Variants in STPG2 observed in about 807,000 individuals in gnomAD.
STPG2 encodes sperm-tail PG-rich repeat-containing protein 2.
STPG2 carries 56 observed loss-of-function variants against 54.2 expected under a neutral mutation model. The ratio of observed to expected loss-of-function variants is 1.03; its 90% CI spans 0.83 to 1.29. STPG2 has a LOEUF of 1.29. Ranked by LOEUF, STPG2 falls within the 50% of genes most tolerant of loss-of-function variation. The pLI, the probability that STPG2 is intolerant of heterozygous loss-of-function variation, is 0.00. For synonymous variants in STPG2, 200 were observed against 181.8 expected (o/e 1.10, Z -0.81); for missense variants, 596 against 544.9 (o/e 1.09, Z -0.93).
At chr4:97,712,022 C>T (rs1468194661) in intron 10 of STPG2, among the ~76,000 whole-genome samples, 1 of 152,058 alleles carries the variant, frequency 6.6e-6, no homozygotes, top group Non-Finnish European at 1.5e-5. Flanking sequence ...TATAAATAAA[C>T]TTGTCATTAG....
At chr4:97,936,452 A>G (rs1732749636) in intron 8 of STPG2, among the ~76,000 whole-genome samples, 1 of 152,138 alleles carries the variant, frequency 6.6e-6, no homozygotes, top group African/African-American at 2.4e-5. Context: ...CCCACAAATT[A>G]ATGCGGTTTC....
intron 8 of STPG2, among the ~76,000 whole-genome samples, chr4:97,903,437 A>C (rs1291041114): frequency 2.6e-5 from 4 of 152,070 alleles, no homozygotes; most frequent in Non-Finnish European, 4.4e-5. Flanking sequence ...TAAGCATACA[A>C]TTAAAAATCT....
At chr4:98,087,811 C>T (rs1354397476) in intron 5 of STPG2, among the ~76,000 whole-genome samples, 2 of 152,126 alleles carry the variant, frequency 1.3e-5, no homozygotes, top group Non-Finnish European at 2.9e-5. Flanking sequence ...CCGCCCGCCT[C>T]GGCCTCCCAA....
chr4:97,904,891 A>G (rs2149191601), intron 8 of STPG2, among the ~76,000 whole-genome samples: 1 of 152,314 alleles, frequency 6.6e-6, no homozygotes, highest in East Asian at 1.9e-4. Context: ...ATGAAGTGAG[A>G]AGGGAACTTT....
In STPG2 at chr4:98,113,029, T is replaced by C. The variant is rs2865984; in HGVS notation, c.388-3724A>G. On this transcript the variant is annotated intron_variant, in intron 3 of 10. Transcript: ENST00000295268. ...AGAAACTATGAAAAAAAAAAAAAAC[T>C]AAAACAACTGTTTCATTAAAATATT... Among the ~76,000 whole-genome samples the C allele has an allele frequency of 8.4e-3, 1,205 of 143,770 alleles. 13 individuals are homozygous for C. Among genetic ancestry groups the C allele is most frequent in the African/African-American group, 0.027 (1,062 of 38,928 alleles). The allele number at this position is 143,770 out of a possible 152,430, so 94.3% of individuals were successfully genotyped here. A position where few individuals can be genotyped will look rare whatever the true frequency, so the allele number is the denominator to read the frequency against.
chr4:98,128,324 G>T, intron 3 of STPG2, 104 bp downstream of exon 3: 1 of 1,082,980 alleles, frequency 9.2e-7, no homozygotes, highest in Non-Finnish European at 1.3e-6. Context: ...TAACTAAAAC[G>T]TGTAATCATT....
intron 8 of STPG2, among the ~76,000 whole-genome samples, chr4:97,843,625 A>G (rs987946025): frequency 2.2e-4 from 33 of 151,904 alleles, no homozygotes; most frequent in Non-Finnish European, 4.3e-4. Context: ...GGAATTCCCT[A>G]GTATTTTAAG....
intron 10 of STPG2, among the ~76,000 whole-genome samples, chr4:97,562,631 C>A (rs1054499660): frequency 6.6e-5 from 10 of 152,014 alleles, no homozygotes; most frequent in South Asian, 2.1e-4. Context: ...TACCTAATTT[C>A]TTGAGAGTTT....
intron 2 of STPG2, among the ~76,000 whole-genome samples, chr4:98,133,506 G>A (rs1740056078): frequency 1.3e-5 from 2 of 151,848 alleles, no homozygotes; most frequent in Non-Finnish European, 2.9e-5. Flanking sequence ...TTTTAAATAG[G>A]CAATTCACTA....
Position 97,664,509 on chromosome 4 carries a change from A to G in STPG2, c.1320+48190T>C, listed in dbSNP as rs141510533. On this transcript the variant is annotated intron_variant, in intron 10 of 10. Coordinates refer to ENST00000295268, the MANE Select transcript of STPG2 (RefSeq NM_174952.3). ...TCTCTATTTCCTCAGTGTTTATTAC[A>G]GTATATCCAATGGACTACCCATCTC... is the stretch of plus-strand genomic sequence containing the variant. 4.1e-3 allele frequency among the ~76,000 whole-genome samples: 628 copies of G among 152,292 alleles called. 3 individuals are homozygous for G. The highest frequency in any genetic ancestry group is 0.02 in the South Asian group (98 of 4,824).
rs1242666187 is a variant in STPG2 at position 97,687,089 on chromosome 4, G to C, written c.1320+25610C>G. ...CCGAGTAGCTGGGACTACAGGCGCT[G>C]GCCACCACGCCTGGCTAAATTTTTT... is the stretch of plus-strand genomic sequence containing the variant. On this transcript the variant is annotated intron_variant, in intron 10 of 10. Coordinates refer to ENST00000295268, the MANE Select transcript of STPG2 (RefSeq NM_174952.3). Among the ~76,000 whole-genome samples the C allele has an allele frequency of 2.0e-5, 3 of 151,198 alleles. No homozygotes were observed. In the South Asian group the frequency reaches 6.3e-4, roughly 32 times the overall value.
chr4:98,024,922 A>T (rs1221064080), intron 5 of STPG2, among the ~76,000 whole-genome samples: 15 of 80,884 alleles, frequency 1.9e-4, no homozygotes, highest in Non-Finnish European at 1.3e-4. Context: ...TATTAATTCA[A>T]GACTCAACAA....
chr4:97,808,545 G>A (rs979138947), intron 9 of STPG2, among the ~76,000 whole-genome samples: 4 of 151,264 alleles, frequency 2.6e-5, no homozygotes, highest in Non-Finnish European at 4.4e-5. Flanking sequence ...CAATAAAAAC[G>A]CAGAAATAGA....
intron 10 of STPG2, among the ~76,000 whole-genome samples, chr4:97,571,899 A>G (rs982001201): frequency 6.6e-6 from 1 of 152,130 alleles, no homozygotes; most frequent in African/African-American, 2.4e-5. Flanking sequence ...AAGTATATGT[A>G]TGACATTGTC....
intron 9 of STPG2, among the ~76,000 whole-genome samples, chr4:97,824,838 T>A (rs1728204421): frequency 6.6e-6 from 1 of 152,148 alleles, no homozygotes; most frequent in Admixed American, 6.5e-5. Context: ...AGGTTCAATT[T>A]CTGGCTTAGG....
intron 9 of STPG2, among the ~76,000 whole-genome samples, chr4:97,765,817 T>G (rs1387770927): frequency 6.6e-6 from 1 of 152,160 alleles, no homozygotes; most frequent in Non-Finnish European, 1.5e-5. Flanking sequence ...GATGTTCTAT[T>G]TGTCAAATAA....
rs1732148979 is a variant in STPG2, at chr4:97,558,953, T to G, written c.*105A>C. 2.2e-6 allele frequency: 2 copies of G among 928,756 alleles called. No homozygotes were observed. Among genetic ancestry groups the G allele is most frequent in the African/African-American group, 1.7e-5 (1 of 59,566 alleles). 57.5% of individuals were successfully genotyped at this position (928,756 alleles called of 1,614,324 possible). A position where few individuals can be genotyped will look rare whatever the true frequency, so the allele number is the denominator to read the frequency against. Reference sequence around the variant, plus strand: ...GAGCGAATGCCTGAACAAGTGAAAATTATGCTTTTATTACTCCTATATTTG... The same window carrying G: ...GAGCGAATGCCTGAACAAGTGAAAAGTATGCTTTTATTACTCCTATATTTG... On this transcript the variant is annotated 3_prime_UTR_variant, in exon 11 of 11. Transcript: ENST00000295268.
chr4:98,123,880 A>C (rs1421796068), intron 3 of STPG2, among the ~76,000 whole-genome samples: 1 of 152,192 alleles, frequency 6.6e-6, no homozygotes, highest in African/African-American at 2.4e-5. Context: ...TATTGGGCCC[A>C]TATATTTTTA....
chr4:97,880,258 A>C (rs1388303498), intron 8 of STPG2, among the ~76,000 whole-genome samples: 1 of 152,188 alleles, frequency 6.6e-6, no homozygotes, highest in East Asian at 1.9e-4. Flanking sequence ...GATCCTTTAC[A>C]TTTTGTTTCA....
Sources: allele counts gnomAD v4.1 joint callset (sites outside exome capture counted in the v4.1 genomes callset), GRCh38; gene constraint gnomAD v4.1.1; transcripts MANE v1.5; gene names NCBI Gene and HGNC (gene_info 2026-07-23, HGNC 2026-07-21).